Variants in ZNF829 observed in about 807,000 individuals in gnomAD.
ZNF829 encodes zinc finger protein 829.
In ZNF829, 25 loss-of-function variants were observed where a neutral mutation model predicts 35.2. The ratio of observed to expected loss-of-function variants is 0.71; its 90% CI spans 0.52 to 0.99. The LOEUF is 0.99. Ranked by LOEUF, ZNF829 falls within the 50% of genes least tolerant of loss-of-function variation. The probability of loss-of-function intolerance (pLI) is 0.00; values close to 1 mark genes in which losing one functional copy is unlikely to be tolerated. For missense variants in ZNF829, 417 were observed against 515.3 expected (o/e 0.81, Z 1.85); for synonymous variants, 136 against 163.2 (o/e 0.83, Z 1.27).
intron 3 of ZNF829, among the ~76,000 whole-genome samples, chr19:36,914,046 G>T (rs1158313251): frequency 1.3e-5 from 2 of 152,114 alleles, no homozygotes; most frequent in African/African-American, 2.4e-5. Context: ...TAATAAGGAG[G>T]GGGGAATCTG....
At chr19:36,896,505 G>A (rs759969431) in intron 5 of ZNF829, among the ~76,000 whole-genome samples, 6 of 151,764 alleles carry the variant, frequency 4.0e-5, no homozygotes, top group Non-Finnish European at 8.8e-5. Context: ...ACAAAAAAAG[G>A]TAGACTCCCA....
intron 1 of ZNF829, 31 bp from the exon 2 acceptor site, chr19:36,915,282 A>C: frequency 6.3e-7 from 1 of 1,584,830 alleles, no homozygotes; most frequent in South Asian, 1.1e-5. Flanking sequence ...TCACAATCGC[A>C]TAGTTGACAG....
intron 5 of ZNF829, among the ~76,000 whole-genome samples, chr19:36,903,279 G>C (rs2146240443): frequency 6.6e-6 from 1 of 152,302 alleles, no homozygotes; most frequent in African/African-American, 2.4e-5. Flanking sequence ...TTTTATGTTA[G>C]AGGATGGCTA....
At chr19:36,910,210 G>A (rs536026515) in intron 3 of ZNF829, among the ~76,000 whole-genome samples, 26 of 151,750 alleles carry the variant, frequency 1.7e-4, no homozygotes, top group Admixed American at 6.6e-4. Context: ...TCAGCCTCCC[G>A]AGTAGCTGGG....
intron 5 of ZNF829, 116 bp downstream of exon 5, chr19:36,907,813 A>T (rs2073231185): frequency 1.2e-6 from 1 of 816,928 alleles, no homozygotes. Flanking sequence ...GAAAAAAAAA[A>T]AAAGTGGGAT....
chr19:36,914,773 C>T (rs1196280201), intron 3 of ZNF829, among the ~76,000 whole-genome samples, 192 bp downstream of exon 3: 1 of 151,992 alleles, frequency 6.6e-6, no homozygotes, highest in African/African-American at 2.4e-5. Flanking sequence ...CTTGGTAATG[C>T]TGTGTTTTTG....
chr19:36,916,201 T>A lies in ZNF829; in HGVS notation c.-275A>T. On this transcript the variant is annotated 5_prime_UTR_variant, in exon 1 of 6. Coordinates refer to ENST00000391711, the MANE Select transcript of ZNF829 (RefSeq NM_001037232.4). This position sits in a 1 kb window ranked among gnomAD's most constrained non-coding sequence, Gnocchi z 5.3. Reference sequence around the variant, plus strand: ...TCAACATCCAGCCGAGCCTCGGAGTTGCGGGTCGCCGTAGCGCTGCGCAAT... The same window carrying A: ...TCAACATCCAGCCGAGCCTCGGAGTAGCGGGTCGCCGTAGCGCTGCGCAAT... 2.1e-6 allele frequency: 1 copy of A among 470,568 alleles called. No individual in the cohort carries two copies. 29.1% of individuals were successfully genotyped at this position (470,568 alleles called of 1,614,324 possible).
intron 5 of ZNF829, among the ~76,000 whole-genome samples, chr19:36,900,023 A>G (rs1170589521): frequency 6.6e-6 from 1 of 151,994 alleles, no homozygotes; most frequent in African/African-American, 2.4e-5. Flanking sequence ...TAACTAAAAG[A>G]GGCTGGGCAT....
chr19:36,903,885 T>A (rs1326956384), intron 5 of ZNF829, among the ~76,000 whole-genome samples: 1 of 152,054 alleles, frequency 6.6e-6, no homozygotes, highest in Non-Finnish European at 1.5e-5. Flanking sequence ...TAACAATAGT[T>A]TTGTCTTAAA....
chr19:36,915,497 A>G (rs1174167384), intron 1 of ZNF829, among the ~76,000 whole-genome samples: 1 of 151,752 alleles, frequency 6.6e-6, no homozygotes, highest in Non-Finnish European at 1.5e-5. Flanking sequence ...CACCACGGGA[A>G]CACACAGCCA....
At position 36,890,516 on chromosome 19, in the gene ZNF829, C is replaced by A. The variant is rs1364729394; in HGVS notation, c.*976G>T. On this transcript the variant is annotated 3_prime_UTR_variant, in exon 6 of 6. Coordinates refer to ENST00000391711, the MANE Select transcript of ZNF829 (RefSeq NM_001037232.4). ...ATTTATCCTTTATCATTATAAATGA[C>A]CTTCTTTGTCCTTTTTAATTTTTGT... The A allele has an allele frequency of 6.6e-6, 1 of 151,614 alleles. No individual in the cohort carries two copies. The highest frequency in any genetic ancestry group is 1.5e-5 in the Non-Finnish European group (1 of 67,930). The allele number at this position is 151,614 out of a possible 1,614,324, so 9.4% of individuals were successfully genotyped here.
At chr19:36,907,308 A>G (rs2073226629) in intron 5 of ZNF829, 1 of 152,042 alleles carries the variant, frequency 6.6e-6, no homozygotes, top group South Asian at 2.1e-4. Context: ...AAACGAATCC[A>G]TGGTGCCAAA....
chr19:36,897,438 G>T (rs2073123256), intron 5 of ZNF829, among the ~76,000 whole-genome samples: 1 of 152,124 alleles, frequency 6.6e-6, no homozygotes, highest in African/African-American at 2.4e-5. Flanking sequence ...AGATCAACAG[G>T]ATGAGGGATA....
At chr19:36,904,325 A>G (rs189823748) in intron 5 of ZNF829, among the ~76,000 whole-genome samples, 282 of 152,306 alleles carry the variant, frequency 1.9e-3, no homozygotes, top group Non-Finnish European at 3.1e-3. Flanking sequence ...AGAGTTGAAA[A>G]TGTATTATCT....
intron 5 of ZNF829, among the ~76,000 whole-genome samples, chr19:36,899,029 G>C (rs534332121): frequency 2.6e-5 from 4 of 152,270 alleles, no homozygotes; most frequent in South Asian, 4.1e-4. Flanking sequence ...GAACTAAAAT[G>C]CTTCTGCACA....
intron 5 of ZNF829, among the ~76,000 whole-genome samples, chr19:36,899,493 T>C (rs28829568): frequency 0.015 from 2,048 of 137,030 alleles, 58 homozygotes; most frequent in African/African-American, 0.049. Flanking sequence ...GAAAAAAAAA[T>C]ACATATATAT....
At chr19:36,900,089 T>G (rs947808001) in intron 5 of ZNF829, among the ~76,000 whole-genome samples, 4 of 150,554 alleles carry the variant, frequency 2.7e-5, no homozygotes, top group Admixed American at 6.6e-5. Context: ...GTGGATCACT[T>G]GAGGTCCGGA....
chr19:36,894,553 A>G (rs1270507624), intron 5 of ZNF829, among the ~76,000 whole-genome samples: 2 of 152,138 alleles, frequency 1.3e-5, no homozygotes, highest in African/African-American at 4.8e-5. Context: ...CAAAAGAATC[A>G]GAAAAAACAA....
chr19:36,899,019 G>A (rs1297488346), intron 5 of ZNF829, among the ~76,000 whole-genome samples: 1 of 152,094 alleles, frequency 6.6e-6, no homozygotes, highest in Non-Finnish European at 1.5e-5. Flanking sequence ...GGACTATATT[G>A]AACTAAAATG....
Sources: allele counts gnomAD v4.1 joint callset (sites outside exome capture counted in the v4.1 genomes callset), GRCh38; gene constraint gnomAD v4.1.1; non-coding constraint Gnocchi (gnomAD v3.1); transcripts MANE v1.5; gene names NCBI Gene and HGNC (gene_info 2026-07-23, HGNC 2026-07-21).